The following OSBP2 variants were observed in gnomAD, a reference collection of about 807,000 sequenced individuals.
OSBP2 encodes oxysterol-binding protein 2.
Under a neutral mutation model 96.0 loss-of-function variants are expected in OSBP2, and 66 were observed. The observed-to-expected ratio is 0.69, with a 90% CI of 0.56 to 0.84. The LOEUF (loss-of-function observed/expected upper bound fraction) is 0.84. OSBP2 is among the 40% of genes least tolerant of loss of function. OSBP2 has a pLI of 0.00. For synonymous variants in OSBP2, 525 were observed against 520.9 expected (o/e 1.01, Z -0.11); for missense variants, 1,038 against 1,222.7 (o/e 0.85, Z 2.25).
At chr22:30,810,552 G>A (rs1430141857) in intron 2 of OSBP2, among the ~76,000 whole-genome samples, 1 of 152,090 alleles carries the variant, frequency 6.6e-6, no homozygotes, top group African/African-American at 2.4e-5. Flanking sequence ...TGGTGTCCAC[G>A]GCCATGAGCT....
At chr22:30,856,204 T>C (rs1034323436) in intron 2 of OSBP2, among the ~76,000 whole-genome samples, 4 of 152,082 alleles carry the variant, frequency 2.6e-5, no homozygotes, top group African/African-American at 7.2e-5. Flanking sequence ...CCTACCCCTA[T>C]ACCCCTTCAC....
intron 2 of OSBP2, among the ~76,000 whole-genome samples, chr22:30,751,341 ATG>A (rs2090071033): frequency 6.6e-6 from 1 of 151,272 alleles, no homozygotes; most frequent in Non-Finnish European, 1.5e-5. Flanking sequence ...GTATATATAT[ATG>A]TATATATATA....
chr22:30,771,968 GC>G (rs2090351726), intron 2 of OSBP2, among the ~76,000 whole-genome samples: 1 of 152,176 alleles, frequency 6.6e-6, no homozygotes, highest in South Asian at 2.1e-4. Context: ...ATTCTCTCTA[GC>G]CCCCAGATGT....
At chr22:30,766,800 T>C (rs747601931) in intron 2 of OSBP2, among the ~76,000 whole-genome samples, 1 of 152,042 alleles carries the variant, frequency 6.6e-6, no homozygotes, top group Non-Finnish European at 1.5e-5. Context: ...ATCTTGGTTT[T>C]GGGAGAGAGA....
intron 2 of OSBP2, among the ~76,000 whole-genome samples, chr22:30,843,926 T>C (rs1442537014): frequency 1.3e-5 from 2 of 150,148 alleles, no homozygotes; most frequent in Non-Finnish European, 3.0e-5. Flanking sequence ...CAGGCCGGAG[T>C]GCAGTGGAGG....
intron 2 of OSBP2, among the ~76,000 whole-genome samples, chr22:30,789,446 A>G (rs2090642597): frequency 6.6e-6 from 1 of 152,160 alleles, no homozygotes; most frequent in African/African-American, 2.4e-5. Context: ...CTTTCTCTAC[A>G]CAAGTTCAAA....
In OSBP2 at chr22:30,870,752, A is replaced by G; in HGVS notation, c.1107+70A>G. On this transcript the variant is annotated intron_variant, in intron 3 of 13. Coordinates refer to ENST00000332585, the MANE Select transcript of OSBP2 (RefSeq NM_030758.4). This position sits in a 1 kb window ranked among gnomAD's most constrained non-coding sequence, Gnocchi z 4.1. ...CAGCCCCGGGGTCCCTCGGTGGGTGACCAGGGTCAGCTTGAAGGGTCAGCG... is the reference window on the plus strand; with the variant it reads ...CAGCCCCGGGGTCCCTCGGTGGGTGGCCAGGGTCAGCTTGAAGGGTCAGCG... The G allele has an allele frequency of 6.5e-7, 1 of 1,532,368 alleles. No individual in the cohort carries two copies. Among genetic ancestry groups the G allele is most frequent in the Non-Finnish European group, 8.9e-7 (1 of 1,123,562 alleles). 94.9% of individuals were successfully genotyped at this position (1,532,368 alleles called of 1,614,324 possible).
intron 2 of OSBP2, among the ~76,000 whole-genome samples, chr22:30,843,493 C>A (rs1243627138): frequency 6.8e-6 from 1 of 147,092 alleles, no homozygotes; most frequent in Non-Finnish European, 1.5e-5. Context: ...TTAAAATATT[C>A]CATAAGCCAC....
At chr22:30,765,184 G>C (rs902143950) in intron 2 of OSBP2, among the ~76,000 whole-genome samples, 2 of 151,734 alleles carry the variant, frequency 1.3e-5, no homozygotes, top group Middle Eastern at 6.8e-3. Flanking sequence ...TGAGACACCC[G>C]GCCCTCCCCC....
rs543246717 is a variant in OSBP2 at position 30,857,751 on chromosome 22, A to G, written c.854-12678A>G. Among the ~76,000 whole-genome samples, 6 of 152,364 alleles carry G rather than the reference A, an allele frequency of 3.9e-5. No homozygotes were observed. In the East Asian group the frequency reaches 1.2e-3, roughly 29 times the overall value. ...GGGTGGGAGATAAGGTGGGACTCCC[A>G]GGTCTGCTTGAGTCATGAAAGGGAA... On this transcript the variant is annotated intron_variant, in intron 2 of 13. Transcript: ENST00000332585.
intron 2 of OSBP2, among the ~76,000 whole-genome samples, chr22:30,757,391 A>T (rs2090154918): frequency 6.6e-6 from 1 of 150,704 alleles, no homozygotes; most frequent in Admixed American, 6.6e-5. Context: ...TTGCTGGGGG[A>T]CTTGGTTTTA....
intron 2 of OSBP2, among the ~76,000 whole-genome samples, chr22:30,790,697 GA>G (rs2090662628): frequency 6.6e-6 from 1 of 150,982 alleles, no homozygotes; most frequent in African/African-American, 2.4e-5. Flanking sequence ...TAGGTTAAAG[GA>G]AATTTTTTTG....
At chr22:30,752,249 A>C (rs1029837358) in intron 2 of OSBP2, among the ~76,000 whole-genome samples, 5 of 149,922 alleles carry the variant, frequency 3.3e-5, no homozygotes, top group Non-Finnish European at 7.4e-5. Flanking sequence ...TGAAGGAAGG[A>C]ATACTTATTT....
chr22:30,843,069 C>T (rs2038788014), intron 2 of OSBP2, among the ~76,000 whole-genome samples: 1 of 152,174 alleles, frequency 6.6e-6, no homozygotes, highest in South Asian at 2.1e-4. Flanking sequence ...CAGGTGTGAG[C>T]CACCGCACCC....
chr22:30,814,582 C>T (rs2091057464), intron 2 of OSBP2, among the ~76,000 whole-genome samples: 1 of 151,810 alleles, frequency 6.6e-6, no homozygotes, highest in Admixed American at 6.6e-5. Flanking sequence ...AGGCACATGC[C>T]ACCACTCTCA....
chr22:30,791,282 T>C (rs896888995), intron 2 of OSBP2, among the ~76,000 whole-genome samples: 3 of 150,328 alleles, frequency 2.0e-5, no homozygotes, highest in Non-Finnish European at 4.4e-5. Flanking sequence ...AACACATCTC[T>C]TTTTCAGGCT....
chr22:30,794,254 CTCT>C (rs2090722079), intron 2 of OSBP2, among the ~76,000 whole-genome samples: 1 of 147,962 alleles, frequency 6.8e-6, no homozygotes, highest in African/African-American at 2.5e-5. Context: ...TTCTCTCCTC[CTCT>C]ATTCATTTTT....
intron 2 of OSBP2, among the ~76,000 whole-genome samples, chr22:30,742,400 ACT>A (rs962632972): frequency 1.9e-4 from 29 of 149,258 alleles, no homozygotes; most frequent in African/African-American, 7.0e-4. Context: ...CCAGGGTGAG[ACT>A]CTGTCTCAAA....
At chr22:30,751,319 T>TTG (rs201859464) in intron 2 of OSBP2, among the ~76,000 whole-genome samples, 20 of 151,522 alleles carry the variant, frequency 1.3e-4, no homozygotes, top group South Asian at 2.1e-4. Context: ...TATGTATGTG[T>TTG]TGTGTGTGTG....
Sources: allele counts gnomAD v4.1 joint callset (sites outside exome capture counted in the v4.1 genomes callset), GRCh38; gene constraint gnomAD v4.1.1; non-coding constraint Gnocchi (gnomAD v3.1); transcripts MANE v1.5; gene names NCBI Gene and HGNC (gene_info 2026-07-23, HGNC 2026-07-21).